Variants in ATF1 observed in about 807,000 individuals in gnomAD.
ATF1 encodes the protein activating transcription factor 1.
In ATF1, 16 loss-of-function variants were observed where a neutral mutation model predicts 34.7. The observed-to-expected ratio is 0.46, with a 90% confidence interval of 0.31 to 0.70. The LOEUF is 0.70. Ranked by LOEUF, ATF1 falls within the 30% of genes least tolerant of loss-of-function variation. The pLI, the probability that ATF1 is intolerant of heterozygous loss-of-function variation, is 0.05. For missense variants in ATF1, 255 were observed against 321.6 expected, an observed-to-expected ratio of 0.79 and a Z score of 1.58; for synonymous variants, 105 against 113.1, an observed-to-expected ratio of 0.93 and a Z score of 0.46.
At chr12:50,768,897 C>G (rs1018928181) in intron 1 of ATF1, among the ~76,000 whole-genome samples, 2 of 152,134 alleles carry the variant, frequency 1.3e-5, no homozygotes, top group Non-Finnish European at 2.9e-5. Context: ...CCATTAGATT[C>G]TAGATAAGGC....
At position 50,775,394 on chromosome 12, in the gene ATF1, G is replaced by C. The variant is rs180995297; in HGVS notation, c.-6-4746G>C. ...TCTTACTTTTCTGAAACAGGGTCTT[G>C]CTGTCACCCAGGCTGGAATGTTAGT... On this transcript the variant is annotated intron_variant, in intron 1 of 6. Transcript: ENST00000262053. 5.5e-4 allele frequency among the ~76,000 whole-genome samples: 83 copies of C among 151,574 alleles called. No individual in the cohort carries two copies. In the East Asian group the frequency reaches 0.016, roughly 29 times the overall value.
At chr12:50,810,647 T>G (rs748458115) in intron 4 of ATF1, among the ~76,000 whole-genome samples, 2 of 152,162 alleles carry the variant, frequency 1.3e-5, no homozygotes, top group African/African-American at 2.4e-5. Context: ...CAAGATTGAG[T>G]TCTGTCACCC....
At chr12:50,783,815 C>T (rs550317581) in intron 2 of ATF1, among the ~76,000 whole-genome samples, 4 of 147,746 alleles carry the variant, frequency 2.7e-5, no homozygotes, top group Admixed American at 1.4e-4. Flanking sequence ...TGCAGTGAGC[C>T]GAGATCATAC....
Position 50,820,174 on chromosome 12 carries a change from A to G in ATF1, c.*395A>G, listed in dbSNP as rs567724058. ...AATTTACCTTTTTTTAGTTATATAT[A>G]TGTGTGTGTGTGTGTGTAATTTCTG... On this transcript the variant is annotated 3_prime_UTR_variant, in exon 7 of 7. Transcript: ENST00000262053. 1.6e-4 allele frequency: 34 copies of G among 213,312 alleles called. No homozygotes were observed. Among genetic ancestry groups the G allele is most frequent in the South Asian group, 9.0e-4 (6 of 6,658 alleles). The allele number at this position is 213,312 out of a possible 1,614,324, so 13.2% of individuals were successfully genotyped here.
chr12:50,820,086 A>G lies in ATF1; in HGVS notation c.*307A>G, dbSNP rs1941919475. Reference sequence around the variant, plus strand: ...AATCTAAAATGGCAGAGAAGATGAAATTTGATAAACTGAATTTTTTTTAAA... The same window carrying G: ...AATCTAAAATGGCAGAGAAGATGAAGTTTGATAAACTGAATTTTTTTTAAA... On this transcript the variant is annotated 3_prime_UTR_variant, in exon 7 of 7. Transcript: ENST00000262053. The G allele has an allele frequency of 3.9e-6, 1 of 257,818 alleles. No homozygotes were observed. Among genetic ancestry groups the G allele is most frequent in the Non-Finnish European group, 7.4e-6 (1 of 135,570 alleles). 16.0% of individuals were successfully genotyped at this position (257,818 alleles called of 1,614,324 possible).
intron 2 of ATF1, 65 bp downstream of exon 2, chr12:50,780,303 T>A: frequency 1.5e-6 from 2 of 1,353,202 alleles, no homozygotes; most frequent in Non-Finnish European, 2.1e-6. Flanking sequence ...ATTAATCTCG[T>A]TTCAGACTGA....
At chr12:50,798,913 T>G (rs1321351945) in intron 3 of ATF1, among the ~76,000 whole-genome samples, 2 of 152,198 alleles carry the variant, frequency 1.3e-5, no homozygotes, top group East Asian at 3.8e-4. Flanking sequence ...AGAACTTAAC[T>G]ATGTATAGGA....
At chr12:50,777,152 C>T (rs1418743072) in intron 1 of ATF1, among the ~76,000 whole-genome samples, 2 of 152,108 alleles carry the variant, frequency 1.3e-5, no homozygotes, top group East Asian at 1.9e-4. Flanking sequence ...CACTGCCCAG[C>T]CTATGTAGCC....
intron 6 of ATF1, among the ~76,000 whole-genome samples, chr12:50,819,302 T>C (rs528803047): frequency 6.6e-6 from 1 of 152,300 alleles, no homozygotes; most frequent in African/African-American, 2.4e-5. Context: ...TGTATGACAC[T>C]CTTACATGAG....
intron 2 of ATF1, 122 bp downstream of exon 2, chr12:50,780,360 T>G: frequency 2.2e-6 from 2 of 907,394 alleles, no homozygotes; most frequent in Non-Finnish European, 1.6e-6. Flanking sequence ...GTTTTTTTTT[T>G]CGAGGCAGAT....
chr12:50,788,103 A>T (rs1219423622), intron 2 of ATF1: 2 of 396,630 alleles, frequency 5.0e-6, no homozygotes, highest in African/African-American at 4.2e-5. Flanking sequence ...ATTGGAAATC[A>T]GAATGAGTGA....
At chr12:50,814,488 T>C in intron 6 of ATF1, 49 bp downstream of exon 6, 1 of 1,564,900 alleles carries the variant, frequency 6.4e-7, no homozygotes, top group Non-Finnish European at 8.8e-7. Context: ...TTTACAAATC[T>C]CACAACATAA....
At chr12:50,788,877 T>G (rs1941243444) in intron 2 of ATF1, among the ~76,000 whole-genome samples, 2 of 152,114 alleles carry the variant, frequency 1.3e-5, no homozygotes, top group Non-Finnish European at 2.9e-5. Context: ...TGCATTTTTC[T>G]CCTTTTTGTT....
chr12:50,766,177 T>A (rs1940630173), intron 1 of ATF1, among the ~76,000 whole-genome samples: 1 of 152,192 alleles, frequency 6.6e-6, no homozygotes, highest in South Asian at 2.1e-4. Context: ...AACGTATTTG[T>A]GGTGGCCACA....
At position 50,820,036 on chromosome 12, in the gene ATF1, AT is replaced by A. The variant is rs1295888269; in HGVS notation, c.*261del. 2.0e-5 allele frequency: 6 copies of A among 299,538 alleles called. No homozygotes were observed. In the Admixed American group the frequency reaches 2.4e-4, roughly 12 times the overall value. 18.6% of individuals were successfully genotyped at this position (299,538 alleles called of 1,614,324 possible). A position where few individuals can be genotyped will look rare whatever the true frequency, so the allele number is the denominator to read the frequency against. ...AAGAAATGAACTTTCAGCAGTCTAA[AT>A]TTTCTAAATAACCAATAGTTGCCAA... On this transcript the variant is annotated 3_prime_UTR_variant, in exon 7 of 7. Transcript: ENST00000262053.
intron 2 of ATF1, among the ~76,000 whole-genome samples, chr12:50,787,530 C>T (rs931793053): frequency 2.0e-5 from 3 of 151,552 alleles, no homozygotes; most frequent in African/African-American, 7.3e-5. Flanking sequence ...CTCAAGAGTT[C>T]AAGACCAGCC....
chr12:50,770,808 A>C (rs1166111872), intron 1 of ATF1, among the ~76,000 whole-genome samples: 3 of 152,208 alleles, frequency 2.0e-5, no homozygotes, highest in Non-Finnish European at 4.4e-5. Flanking sequence ...TAAACCAACC[A>C]GTAATCTCTA....
chr12:50,778,020 A>G (rs1321360103), intron 1 of ATF1, among the ~76,000 whole-genome samples: 6 of 150,258 alleles, frequency 4.0e-5, no homozygotes, highest in African/African-American at 1.5e-4. Context: ...GGGCTGCAGC[A>G]ATCCTCTCGC....
At chr12:50,789,059 A>C (rs1405597382) in intron 2 of ATF1, among the ~76,000 whole-genome samples, 3 of 151,948 alleles carry the variant, frequency 2.0e-5, no homozygotes, top group Non-Finnish European at 4.4e-5. Flanking sequence ...GTGTTAATGT[A>C]TATTAAATGA....
Sources: gnomAD v4.1 joint callset for allele counts (sites outside exome capture counted in the v4.1 genomes callset) on GRCh38, gnomAD v4.1.1 for gene constraint, MANE v1.5 for transcripts, NCBI Gene and HGNC (gene_info 2026-07-23, HGNC 2026-07-21) for gene names.